The following SHANK2 variants were observed in gnomAD, a reference collection of about 807,000 sequenced individuals.
The protein encoded by SHANK2 is SH3 and multiple ankyrin repeat domains 2.
In SHANK2, 43 loss-of-function variants were observed where a neutral mutation model predicts 133.7. The ratio of observed to expected loss-of-function variants is 0.32; its 90% CI spans 0.25 to 0.41. SHANK2 has a LOEUF of 0.41. Ranked by LOEUF, SHANK2 falls within the 10% of genes least tolerant of loss-of-function variation. The probability of loss-of-function intolerance (pLI) is 1.00; values close to 1 mark genes in which losing one functional copy is unlikely to be tolerated. For missense variants in SHANK2, 1,994 were observed against 2,235.8 expected (o/e 0.89, Z 2.18); for synonymous variants, 1,017 against 952.8 (o/e 1.07, Z -1.24).
chr11:71,246,986 C>T (rs566543259), intron 1 of SHANK2, among the ~76,000 whole-genome samples: 1 of 152,258 alleles, frequency 6.6e-6, no homozygotes, highest in South Asian at 2.1e-4. Context: ...TTTTTAAATA[C>T]TTAGCAACTC....
chr11:70,799,299 G>A (rs1312134816), intron 13 of SHANK2, among the ~76,000 whole-genome samples: 3 of 152,170 alleles, frequency 2.0e-5, no homozygotes, highest in African/African-American at 7.2e-5. Flanking sequence ...TCGCTCAGGA[G>A]GCTGAGGCAG....
chr11:70,767,343 C>T (rs1947143460), intron 14 of SHANK2, among the ~76,000 whole-genome samples: 1 of 152,154 alleles, frequency 6.6e-6, no homozygotes, highest in South Asian at 2.1e-4. Context: ...AATTCCATTC[C>T]CAGGTAGGCA....
intron 14 of SHANK2, among the ~76,000 whole-genome samples, chr11:70,775,007 C>G (rs2135072738): frequency 6.6e-6 from 1 of 152,110 alleles, no homozygotes; most frequent in Non-Finnish European, 1.5e-5. Flanking sequence ...ATAAACATTG[C>G]TTTTAGGCTG....
At chr11:70,811,683 T>A (rs1296710042) in intron 12 of SHANK2, among the ~76,000 whole-genome samples, 2 of 150,448 alleles carry the variant, frequency 1.3e-5, no homozygotes, top group Non-Finnish European at 3.0e-5. Flanking sequence ...CATCCATTCA[T>A]CCAACATCCA....
Position 70,500,591 on chromosome 11 carries a change from C to A in SHANK2, c.2288-1G>T. 6.2e-7 allele frequency: 1 copy of A among 1,602,218 alleles called. No individual in the cohort carries two copies. The highest frequency in any genetic ancestry group is 8.5e-7 in the Non-Finnish European group (1 of 1,174,550). On this transcript the variant is annotated splice_acceptor_variant, in intron 20 of 25. Coordinates refer to ENST00000601538, the MANE Select transcript of SHANK2 (RefSeq NM_012309.5). LOFTEE classifies it high-confidence loss of function. This position sits in a 1 kb window ranked among gnomAD's most constrained non-coding sequence, Gnocchi z 4.5. Reference sequence around the variant, plus strand: ...TTACCCTTCTTCTTCCGGACCGAGGCTTGCAAACAGAAAGGGGACCGCCAT... The same window carrying A: ...TTACCCTTCTTCTTCCGGACCGAGGATTGCAAACAGAAAGGGGACCGCCAT...
intron 8 of SHANK2, among the ~76,000 whole-genome samples, chr11:71,091,155 C>G (rs1023585008): frequency 6.6e-6 from 1 of 152,188 alleles, no homozygotes; most frequent in South Asian, 2.1e-4. Context: ...AATCTCATGG[C>G]GGGTGCATGG....
At chr11:70,949,051 A>C (rs1950795947) in intron 10 of SHANK2, among the ~76,000 whole-genome samples, 1 of 152,142 alleles carries the variant, frequency 6.6e-6, no homozygotes, top group African/African-American at 2.4e-5. Context: ...TTGACTGATC[A>C]CAAGATGAAT....
At chr11:70,684,093 T>A (rs782813091) in intron 15 of SHANK2, among the ~76,000 whole-genome samples, 25 of 152,058 alleles carry the variant, frequency 1.6e-4, no homozygotes, top group Non-Finnish European at 2.4e-4. Flanking sequence ...CCTGGATGCA[T>A]AGTTTTGAAT....
intron 17 of SHANK2, among the ~76,000 whole-genome samples, chr11:70,599,935 G>GAAAGAA (rs2060466852): frequency 1.6e-5 from 2 of 124,088 alleles, no homozygotes; most frequent in Non-Finnish European, 3.2e-5. Flanking sequence ...AAGAAAGAAA[G>GAAAGAA]AAAGAAAGAA....
intron 2 of SHANK2, among the ~76,000 whole-genome samples, chr11:71,147,730 CTT>C (rs1383891939): frequency 5.3e-5 from 8 of 152,226 alleles, no homozygotes; most frequent in Non-Finnish European, 1.2e-4. Context: ...AAAAGGCTGC[CTT>C]TTGTTTTCCT....
chr11:71,237,850 G>A (rs1954842634), intron 1 of SHANK2, among the ~76,000 whole-genome samples: 1 of 152,162 alleles, frequency 6.6e-6, no homozygotes, highest in South Asian at 2.1e-4. Flanking sequence ...GTTCATCCAT[G>A]TTAGGAAAAG....
At chr11:71,217,425 T>A (rs1019599184) in intron 2 of SHANK2, among the ~76,000 whole-genome samples, 4 of 149,640 alleles carry the variant, frequency 2.7e-5, no homozygotes, top group African/African-American at 9.9e-5. Context: ...AATCACATGA[T>A]CCCTGGAAGT....
At chr11:70,826,097 G>A (rs566770659) in intron 11 of SHANK2, among the ~76,000 whole-genome samples, 2 of 152,298 alleles carry the variant, frequency 1.3e-5, no homozygotes, top group African/African-American at 4.8e-5. Context: ...GCCCCGACCT[G>A]CCTCGGCCAG....
At chr11:70,602,719 A>C (rs1206365407) in intron 17 of SHANK2, among the ~76,000 whole-genome samples, 1 of 152,244 alleles carries the variant, frequency 6.6e-6, no homozygotes, top group Non-Finnish European at 1.5e-5. Flanking sequence ...ACATGACATG[A>C]TTGGACTGGA....
At chr11:70,916,512 C>T (rs1464202232) in intron 10 of SHANK2, among the ~76,000 whole-genome samples, 1 of 152,202 alleles carries the variant, frequency 6.6e-6, no homozygotes, top group Non-Finnish European at 1.5e-5. Flanking sequence ...CGTGTACACA[C>T]ACACACAGCT....
rs1435342304 is a variant in SHANK2 at position 70,535,776 on chromosome 11, G to A, written c.2062-32845C>T. On this transcript the variant is annotated intron_variant, in intron 17 of 25. Transcript: ENST00000601538. This position sits in a 1 kb window ranked among gnomAD's most constrained non-coding sequence, Gnocchi z 4.3. ...TGTGGGAAGTCCCTGTGCTCCACGG[G>A]GCAGGAGAGGTTCGGGTGGGCCATC... Among the ~76,000 whole-genome samples the A allele has an allele frequency of 6.6e-6, 1 of 152,264 alleles. No individual in the cohort carries two copies. Among genetic ancestry groups the A allele is most frequent in the African/African-American group, 2.4e-5 (1 of 41,468 alleles).
At chr11:70,767,811 G>A (rs1481377435) in intron 14 of SHANK2, among the ~76,000 whole-genome samples, 6 of 152,134 alleles carry the variant, frequency 3.9e-5, no homozygotes, top group Non-Finnish European at 5.9e-5. Context: ...AATGCCACAG[G>A]ATTTTGTACT....
At chr11:70,599,891 A>AAAGAAAGAAAGAAAGAAAGAAAG (rs1565166130) in intron 17 of SHANK2, among the ~76,000 whole-genome samples, 3 of 72,112 alleles carry the variant, frequency 4.2e-5, no homozygotes, top group African/African-American at 4.9e-5. Flanking sequence ...AAGAAAGAAA[A>AAAGAAAGAAAGAAAGAAAGAAAG]AGAAAGAAAG....
intron 17 of SHANK2, chr11:70,646,171 T>C (rs1246536161): frequency 6.6e-6 from 1 of 152,206 alleles, no homozygotes; most frequent in African/African-American, 2.4e-5. Context: ...TGGTGCCCCC[T>C]CAAACCCAGG....
Sources: allele counts gnomAD v4.1 joint callset (sites outside exome capture counted in the v4.1 genomes callset), GRCh38; gene constraint gnomAD v4.1.1; non-coding constraint Gnocchi (gnomAD v3.1); transcripts MANE v1.5; gene names NCBI Gene and HGNC (gene_info 2026-07-23, HGNC 2026-07-21).